Variants in ZNF704 observed in about 807,000 individuals in gnomAD.
ZNF704 encodes glucocorticoid induced gene 1.
A neutral mutation model predicts 44.7 loss-of-function variants in ZNF704; 10 were observed. The observed-to-expected ratio is 0.22, with a 90% CI of 0.14 to 0.38. The LOEUF is 0.38. Ranked by LOEUF, ZNF704 falls within the 10% of genes least tolerant of loss-of-function variation. The pLI is 1.00. For synonymous variants in ZNF704, 211 were observed against 207.6 expected (o/e 1.02, Z -0.14); for missense variants, 390 against 545.5 (o/e 0.71, Z 2.84).
chr8:80,783,443 C>A (rs551999074), intron 2 of ZNF704, among the ~76,000 whole-genome samples: 1 of 152,208 alleles, frequency 6.6e-6, no homozygotes, highest in African/African-American at 2.4e-5. Context: ...GGTATTAAGC[C>A]CAGCAACTGA....
chr8:80,804,136 T>C (rs963971095), intron 2 of ZNF704, among the ~76,000 whole-genome samples: 2 of 152,100 alleles, frequency 1.3e-5, no homozygotes, highest in African/African-American at 2.4e-5. Flanking sequence ...TGAGATACCA[T>C]CTTACACCAT....
intron 2 of ZNF704, among the ~76,000 whole-genome samples, chr8:80,740,403 C>T (rs1046132333): frequency 3.2e-4 from 49 of 152,164 alleles, no homozygotes; most frequent in Non-Finnish European, 6.0e-4. Context: ...ATTCTGCCTC[C>T]TTTCCCTACC....
At chr8:80,832,324 AT>A (rs2129930726) in intron 1 of ZNF704, among the ~76,000 whole-genome samples, 1 of 152,242 alleles carries the variant, frequency 6.6e-6, no homozygotes, top group South Asian at 2.1e-4. Context: ...GAAGCTCATC[AT>A]TTCTTCTTGA....
rs1016235519 is a variant in ZNF704 at position 80,639,103 on chromosome 8, G to C, written c.*2263C>G. 2 of 152,254 alleles carry C rather than the reference G, an allele frequency of 1.3e-5. No individual in the cohort carries two copies. The highest frequency in any genetic ancestry group is 1.3e-4 in the Admixed American group (2 of 15,282). The allele number at this position is 152,254 out of a possible 1,614,324, so 9.4% of individuals were successfully genotyped here. On this transcript the variant is annotated 3_prime_UTR_variant, in exon 9 of 9. Transcript: ENST00000327835. ...CCTTGTGTTTCAAAGTTCTGGGATG[G>C]GGGATGGATTTTATACTTCATGACT...
chr8:80,728,610 C>T (rs1806524385), intron 2 of ZNF704, among the ~76,000 whole-genome samples: 1 of 152,076 alleles, frequency 6.6e-6, no homozygotes, highest in Admixed American at 6.6e-5. Context: ...ATTATTATCC[C>T]TAATTTATAG....
At chr8:80,731,333 A>G (rs1457816810) in intron 2 of ZNF704, among the ~76,000 whole-genome samples, 1 of 152,166 alleles carries the variant, frequency 6.6e-6, no homozygotes, top group African/African-American at 2.4e-5. Flanking sequence ...TATCAAATTA[A>G]CTCCTGCTGA....
At chr8:80,721,856 C>T (rs1276706533) in intron 2 of ZNF704, among the ~76,000 whole-genome samples, 1 of 152,182 alleles carries the variant, frequency 6.6e-6, no homozygotes, top group East Asian at 1.9e-4. Flanking sequence ...GGACTTTACA[C>T]ATTTTATTTT....
intron 2 of ZNF704, among the ~76,000 whole-genome samples, chr8:80,760,925 G>T (rs1174493169): frequency 1.3e-5 from 2 of 152,058 alleles, no homozygotes; most frequent in Non-Finnish European, 2.9e-5. Flanking sequence ...GATCTCACAA[G>T]AACTCATTCA....
intron 6 of ZNF704, 98 bp from the exon 7 acceptor site, chr8:80,659,787 G>T: frequency 9.7e-7 from 1 of 1,029,498 alleles, no homozygotes; most frequent in African/African-American, 1.6e-5. Flanking sequence ...AATGGTCTCA[G>T]CTATATTAAT....
chr8:80,695,265 A>G (rs1818707631), intron 2 of ZNF704, among the ~76,000 whole-genome samples: 1 of 152,188 alleles, frequency 6.6e-6, no homozygotes. Context: ...GGCTCCTCCA[A>G]CTGTCTGCCC....
At chr8:80,791,606 A>G (rs1807709558) in intron 2 of ZNF704, among the ~76,000 whole-genome samples, 1 of 152,230 alleles carries the variant, frequency 6.6e-6, no homozygotes, top group Non-Finnish European at 1.5e-5. Context: ...CTCTTCCAAA[A>G]GTGACTCCTA....
intron 2 of ZNF704, among the ~76,000 whole-genome samples, chr8:80,797,432 T>C (rs1262626388): frequency 6.6e-6 from 1 of 152,180 alleles, no homozygotes; most frequent in African/African-American, 2.4e-5. Flanking sequence ...TTCTTTGAAA[T>C]CTAGGTGAAA....
At chr8:80,728,975 C>T (rs369715238) in intron 2 of ZNF704, among the ~76,000 whole-genome samples, 13 of 152,188 alleles carry the variant, frequency 8.5e-5, no homozygotes, top group Admixed American at 3.9e-4. Context: ...TTTCTTTGCA[C>T]GAACCGAAAC....
chr8:80,633,702 G>A lies in ZNF704; in HGVS notation c.*7664C>T, dbSNP rs1206340405. The A allele has an allele frequency of 1.3e-5, 2 of 152,102 alleles. No individual in the cohort carries two copies. The highest frequency in any genetic ancestry group is 4.8e-5 in the African/African-American group (2 of 41,428). The allele number at this position is 152,102 out of a possible 1,614,324, so 9.4% of individuals were successfully genotyped here. A position where few individuals can be genotyped will look rare whatever the true frequency, so the allele number is the denominator to read the frequency against. Reference sequence around the variant, plus strand: ...ATTTTAAATATTCCTATTCTACACTGGGTTCTTACAAAGATCAAATGAAAT... The same window carrying A: ...ATTTTAAATATTCCTATTCTACACTAGGTTCTTACAAAGATCAAATGAAAT... On this transcript the variant is annotated 3_prime_UTR_variant, in exon 9 of 9. Coordinates refer to ENST00000327835, the MANE Select transcript of ZNF704 (RefSeq NM_001033723.3).
intron 2 of ZNF704, among the ~76,000 whole-genome samples, chr8:80,807,517 A>C (rs1808009049): frequency 6.6e-6 from 1 of 151,616 alleles, no homozygotes; most frequent in Non-Finnish European, 1.5e-5. Flanking sequence ...GTACCCAATA[A>C]ACATTTCTAA....
chr8:80,680,363 A>ATTT (rs61050547), intron 4 of ZNF704, among the ~76,000 whole-genome samples: 6 of 142,280 alleles, frequency 4.2e-5, no homozygotes, highest in African/African-American at 1.5e-4. Context: ...ATCTTCAGGT[A>ATTT]TTTTTTTTTT....
intron 4 of ZNF704, among the ~76,000 whole-genome samples, chr8:80,685,000 C>T (rs570828099): frequency 2.3e-4 from 35 of 152,056 alleles, no homozygotes; most frequent in African/African-American, 6.3e-4. Flanking sequence ...CTATTCGTCT[C>T]GGCTTGGGGA....
At chr8:80,650,387 G>A (rs183794191) in intron 7 of ZNF704, among the ~76,000 whole-genome samples, 3 of 152,278 alleles carry the variant, frequency 2.0e-5, no homozygotes, top group Admixed American at 1.3e-4. Flanking sequence ...GAGGAAGTTC[G>A]AACCCATGGC....
At chr8:80,769,906 A>G (rs1210462062) in intron 2 of ZNF704, among the ~76,000 whole-genome samples, 1 of 152,174 alleles carries the variant, frequency 6.6e-6, no homozygotes, top group Admixed American at 6.6e-5. Context: ...AGACTGGGCA[A>G]TTTACAAAGG....
Sources: allele counts gnomAD v4.1 joint callset (sites outside exome capture counted in the v4.1 genomes callset), GRCh38; gene constraint gnomAD v4.1.1; transcripts MANE v1.5; gene names NCBI Gene and HGNC (gene_info 2026-07-23, HGNC 2026-07-21).